Variants in DST observed in about 807,000 individuals in gnomAD.
DST encodes dystonin.
A neutral mutation model predicts 875.2 loss-of-function variants in DST; 253 were observed. The ratio of observed to expected loss-of-function variants is 0.29; its 90% CI spans 0.26 to 0.32. The LOEUF (loss-of-function observed/expected upper bound fraction) is 0.32. DST is among the 10% of genes least tolerant of loss of function. DST has a pLI of 1.00. For missense variants in DST, 8,287 were observed against 9,111.6 expected, an observed-to-expected ratio of 0.91 and a Z score of 3.68; for synonymous variants, 3,124 against 3,197.1, an observed-to-expected ratio of 0.98 and a Z score of 0.77.
At chr6:56,708,572 G>A (rs1367098990) in intron 5 of DST, among the ~76,000 whole-genome samples, 2 of 152,206 alleles carry the variant, frequency 1.3e-5, no homozygotes, top group East Asian at 3.9e-4. Context: ...AAAAGCAAAT[G>A]TCACTAACAA....
In DST at chr6:56,723,456, C is replaced by T. The variant is rs377145456; in HGVS notation, c.687+11772G>A. Reference sequence around the variant, plus strand: ...GTGCATGCTTGTAATCCCAGCTACTCGGGAGGCTGAGGCAGGAGAATCGCT... The same window carrying T: ...GTGCATGCTTGTAATCCCAGCTACTTGGGAGGCTGAGGCAGGAGAATCGCT... On this transcript the variant is annotated intron_variant, in intron 5 of 103. Transcript: ENST00000680361. Among the ~76,000 whole-genome samples the T allele has an allele frequency of 7.9e-5, 12 of 151,940 alleles. No individual in the cohort carries two copies. In the South Asian group the frequency reaches 1.3e-3, roughly 16 times the overall value.
intron 64 of DST, among the ~76,000 whole-genome samples, chr6:56,532,138 GT>G (rs1332192815): frequency 6.6e-6 from 1 of 152,172 alleles, no homozygotes; most frequent in Non-Finnish European, 1.5e-5. Context: ...GGAAATGCTT[GT>G]CTTAAAAAGT....
chr6:56,885,036 TTC>T (rs1451310015), intron 3 of DST, among the ~76,000 whole-genome samples: 2 of 152,206 alleles, frequency 1.3e-5, no homozygotes, highest in Non-Finnish European at 2.9e-5. Flanking sequence ...ATTCTATATT[TTC>T]TGTTTCAGGT....
rs568729794 is a variant in DST, at chr6:56,751,160, A to C, written c.626-15871T>G. ...CATTAAATGCAAGTCATGCCTGTTAATAGTCAATATTTTTTAGCTATTATT... is the reference window on the plus strand; with the variant it reads ...CATTAAATGCAAGTCATGCCTGTTACTAGTCAATATTTTTTAGCTATTATT... On this transcript the variant is annotated intron_variant, in intron 4 of 103. Transcript: ENST00000680361. Among the ~76,000 whole-genome samples, 6 of 152,348 alleles carry C rather than the reference A, an allele frequency of 3.9e-5. No homozygotes were observed. The South Asian group carries it at 6.2e-4, about 16-fold the overall frequency.
chr6:56,676,135 C>G (rs984227290), intron 9 of DST, among the ~76,000 whole-genome samples: 2 of 152,126 alleles, frequency 1.3e-5, no homozygotes, highest in Admixed American at 1.3e-4. Flanking sequence ...GGGGCAATCT[C>G]AGCTCACTGC....
Position 56,896,834 on chromosome 6 carries a change from G to A in DST, c.417+3587C>T, listed in dbSNP as rs373851183. ...CTGTTTGTTTTTTTCTTGCTGATTT[G>A]TTTGAGTTCATTGTAGATTCTGGAT... On this transcript the variant is annotated intron_variant, in intron 3 of 103. Coordinates refer to ENST00000680361, the MANE Select transcript of DST (RefSeq NM_001374736.1). Among the ~76,000 whole-genome samples the A allele has an allele frequency of 6.6e-5, 10 of 152,254 alleles. No individual in the cohort carries two copies. The South Asian group carries it at 1.7e-3, about 25-fold the overall frequency.
rs1444454622 is a variant in DST at position 56,900,411 on chromosome 6, C to G, written c.417+10G>C. On this transcript the variant is annotated intron_variant, in intron 3 of 103. Transcript: ENST00000680361. ...TTTAATATTTTTATAAAAGACAGTT[C>G]TCTACTTACAGGCCTCCTGATTGAA... 1 of 1,363,724 alleles carries G rather than the reference C, an allele frequency of 7.3e-7. No individual in the cohort carries two copies. Among genetic ancestry groups the G allele is most frequent in the Non-Finnish European group, 9.8e-7 (1 of 1,020,260 alleles). The allele number at this position is 1,363,724 out of a possible 1,614,324, so 84.5% of individuals were successfully genotyped here.
chr6:56,767,259 C>A (rs1241074297), intron 4 of DST, among the ~76,000 whole-genome samples: 1 of 152,038 alleles, frequency 6.6e-6, no homozygotes, highest in Non-Finnish European at 1.5e-5. Context: ...GTAAACAAAA[C>A]AAAGAGCCCT....
In DST at chr6:56,953,604, C is replaced by T. The variant is rs1178872315; in HGVS notation, c.216+181G>A. Among the ~76,000 whole-genome samples the T allele has an allele frequency of 2.0e-5, 3 of 152,172 alleles. No homozygotes were observed. In the East Asian group the frequency reaches 5.8e-4, roughly 29 times the overall value. ...ACAGCTCCACTACACAAGAAATTTG[C>T]TAAAACCGTTCGCTGGGCACTAATA... On this transcript the variant is annotated intron_variant, in intron 2 of 103. Coordinates refer to ENST00000680361, the MANE Select transcript of DST (RefSeq NM_001374736.1).
At chr6:56,832,358 C>T (rs2099788149) in intron 4 of DST, among the ~76,000 whole-genome samples, 1 of 152,092 alleles carries the variant, frequency 6.6e-6, no homozygotes, top group Non-Finnish European at 1.5e-5. Flanking sequence ...TAGTAAGTCT[C>T]ACGAGATTCT....
chr6:56,493,127 G>C, intron 83 of DST, 38 bp from the exon 84 acceptor site: 1 of 1,565,224 alleles, frequency 6.4e-7, no homozygotes, highest in South Asian at 1.2e-5. Flanking sequence ...ATGTTTAAGG[G>C]CCTTGGTTAT....
At chr6:56,760,277 C>T (rs1350172732) in intron 4 of DST, among the ~76,000 whole-genome samples, 1 of 152,196 alleles carries the variant, frequency 6.6e-6, no homozygotes, top group Non-Finnish European at 1.5e-5. Context: ...TGGGTAAGGA[C>T]ATTAAACAAC....
rs770079828 is a variant in DST, at chr6:56,628,144, C to T, written c.4493G>A (p.Gly1498Asp). 4 of 1,613,416 alleles carry T rather than the reference C, an allele frequency of 2.5e-6. No homozygotes were observed. The African/African-American group carries it at 5.3e-5, about 22-fold the overall frequency. Residue 1498 changes from glycine to aspartate, a missense_variant, in exon 33 of 104, where the codon GGC becomes GAC. Physicochemically the swap from Gly to Asp is moderately conservative, Grantham distance 94. Coordinates refer to ENST00000680361, the MANE Select transcript of DST (RefSeq NM_001374736.1). ...GTAGTACTTCAGTGATTTGCCAATG[C>T]CCTCTAAGTCCCGTAACCTAAGAGA... ...QIDNRLRDLE[G>D]IGKSLKYYRD...
rs1271332818 is a variant in DST, at chr6:56,464,466, T to C, written c.22759+219A>G. The stretch of plus-strand genomic sequence containing the variant: ...CACAAGAACCCGGTGAGCAACGTGT[T>C]AGCATGTGTTTGATCACTTATAACA... On this transcript the variant is annotated intron_variant, in intron 100 of 103. Transcript: ENST00000680361. 7.1e-6 allele frequency: 4 copies of C among 564,570 alleles called. No homozygotes were observed. The African/African-American group carries it at 7.5e-5, about 11-fold the overall frequency. The allele number at this position is 564,570 out of a possible 1,614,324, so 35.0% of individuals were successfully genotyped here.
chr6:56,795,705 G>A lies in DST; in HGVS notation c.625+55692C>T, dbSNP rs556300524. ...CCAGATAATTCTAAAGTGAAGCCAG[G>A]GTTAAGAATCACAATCCTATAATGT... On this transcript the variant is annotated intron_variant, in intron 4 of 103. Transcript: ENST00000680361. Among the ~76,000 whole-genome samples the A allele has an allele frequency of 2.0e-5, 3 of 152,202 alleles. No homozygotes were observed. The South Asian group carries it at 6.2e-4, about 32-fold the overall frequency.
chr6:56,463,202 AAAAAC>A (rs2094423688), intron 101 of DST, 46 bp from the exon 102 acceptor site: 4 of 1,165,280 alleles, frequency 3.4e-6, no homozygotes, highest in Non-Finnish European at 5.1e-6. Flanking sequence ...AGCAGATAAA[AAAAAC>A]AAAGCCACAG....
intron 2 of DST, among the ~76,000 whole-genome samples, chr6:56,944,735 A>T (rs1424251374): frequency 6.6e-6 from 1 of 152,146 alleles, no homozygotes; most frequent in Non-Finnish European, 1.5e-5. Context: ...AGTAGGGGAG[A>T]AATATGCATT....
chr6:56,611,510 G>C lies in DST; in HGVS notation c.5145C>G (p.Asp1715Glu). The C allele has an allele frequency of 6.2e-7, 1 of 1,605,940 alleles. No homozygotes were observed. The highest frequency in any genetic ancestry group is 8.5e-7 in the Non-Finnish European group (1 of 1,173,378). Residue 1715 changes from aspartate to glutamate, a missense_variant and splice_region_variant, in exon 38 of 104, where the codon GAC becomes GAG. Asp to Glu is a conservative substitution (Grantham distance 45). Around this residue, in one of 10 missense-constraint regions of DST, gnomAD observed 3,138 missense variants for 3,116.6 expected, o/e 1.01. Transcript: ENST00000680361. ...AGAGCTAACTACAACCAACATACTT[G>C]TCTCCATGTTTTGCCAAAAAAAGCT... ...TIQLFLAKHGDKMTDEERNEL... is the reference protein window; with the variant it reads ...TIQLFLAKHGEKMTDEERNEL...
intron 2 of DST, among the ~76,000 whole-genome samples, chr6:56,902,878 C>A (rs1794762220): frequency 6.6e-6 from 1 of 152,134 alleles, no homozygotes; most frequent in Non-Finnish European, 1.5e-5. Context: ...GCTTTTTATG[C>A]AGCTTCCTGG....
Sources: gnomAD v4.1 joint callset for allele counts (sites outside exome capture counted in the v4.1 genomes callset) on GRCh38, gnomAD v4.1.1 for gene constraint, gnomAD v4.1.1 regional missense constraint, MANE v1.5 for transcripts, NCBI Gene and HGNC (gene_info 2026-07-23, HGNC 2026-07-21) for gene names.